CD99L2: variants seen among roughly 807,000 people sequenced by gnomAD.
The protein encoded by CD99L2 is CD99 antigen-like protein 2.
In CD99L2, 24 loss-of-function variants were observed where a neutral mutation model predicts 27.3. The ratio of observed to expected loss-of-function variants is 0.88; its 90% CI spans 0.64 to 1.24. The LOEUF is 1.24. Ranked by LOEUF, CD99L2 falls within the 50% of genes most tolerant of loss-of-function variation. The pLI is 0.00. For synonymous variants in CD99L2, 97 were observed against 87.9 expected (o/e 1.10, Z -0.58); for missense variants, 255 against 221.6 (o/e 1.15, Z -0.96).
chrX:150,876,339 G>A (rs1272485256), intron 1 of CD99L2, among the ~76,000 whole-genome samples: 1 of 111,919 alleles, frequency 8.9e-6, no homozygotes. Context: ...TAGGTGATTT[G>A]CTCCTTCTGC....
chrX:150,884,964 T>C (rs66655005), intron 1 of CD99L2, among the ~76,000 whole-genome samples: 32,347 of 111,383 alleles, frequency 0.29, 3,621 homozygotes, highest in African/African-American at 0.41. Context: ...TGAACTACAG[T>C]GACACACAAC....
At chrX:150,840,098 G>A (rs1557421326) in intron 1 of CD99L2, among the ~76,000 whole-genome samples, 1 of 109,847 alleles carries the variant, frequency 9.1e-6, no homozygotes, top group African/African-American at 3.3e-5. Context: ...CTACTCTGGA[G>A]GCTGAGGCTG....
At chrX:150,817,529 T>C (rs1004169026) in intron 2 of CD99L2, among the ~76,000 whole-genome samples, 2 of 112,236 alleles carry the variant, frequency 1.8e-5, no homozygotes, top group Non-Finnish European at 3.8e-5. Context: ...TTTCCAATAG[T>C]TTCTTTTCAT....
chrX:150,867,660 G>A (rs1256877553), intron 1 of CD99L2, among the ~76,000 whole-genome samples: 1 of 110,183 alleles, frequency 9.1e-6, no homozygotes, highest in Admixed American at 9.7e-5. Context: ...TTGGGAGGCC[G>A]AGACGGGGGG....
chrX:150,793,055 C>T (rs143492086), intron 7 of CD99L2, among the ~76,000 whole-genome samples: 1,571 of 111,602 alleles, frequency 0.014, 14 homozygotes, highest in Middle Eastern at 0.018. Context: ...TACCCATACT[C>T]GCTCACACAC....
chrX:150,779,025 A>C (rs1035369577), intron 7 of CD99L2, among the ~76,000 whole-genome samples: 4 of 110,850 alleles, frequency 3.6e-5, no homozygotes, highest in African/African-American at 1.3e-4. Flanking sequence ...CTAGACTTCC[A>C]TTTTTCTGGA....
chrX:150,831,139 T>G, intron 2 of CD99L2, 92 bp downstream of exon 2: 1 of 743,388 alleles, frequency 1.3e-6, no homozygotes, highest in Non-Finnish European at 2.0e-6. Flanking sequence ...TCAAGTAAAA[T>G]ATATCATTTT....
At chrX:150,781,418 G>T (rs1220332232) in intron 7 of CD99L2, among the ~76,000 whole-genome samples, 1 of 111,842 alleles carries the variant, frequency 8.9e-6, no homozygotes, top group Non-Finnish European at 1.9e-5. Flanking sequence ...TTTTAACTCT[G>T]CAAGCCCCAT....
In CD99L2 at chrX:150,813,824, T is replaced by C. The variant is rs190699235; in HGVS notation, c.277+1038A>G. ...AGAGTAATTAATCAATATTTAAAGA[T>C]TTTTTAAAACCAACTATGGTTTTGC... On this transcript the variant is annotated intron_variant, in intron 4 of 10. Coordinates refer to ENST00000370377, the MANE Select transcript of CD99L2 (RefSeq NM_031462.4). 2.8e-3 allele frequency among the ~76,000 whole-genome samples: 319 copies of C among 112,355 alleles called. 2 individuals carry two copies. Among genetic ancestry groups the C allele is most frequent in the African/African-American group, 9.9e-3 (306 of 30,964 alleles).
chrX:150,851,328 G>A (rs1557421592), intron 1 of CD99L2, among the ~76,000 whole-genome samples: 1 of 112,007 alleles, frequency 8.9e-6, no homozygotes, highest in Non-Finnish European at 1.9e-5. Flanking sequence ...TGAGGACCTA[G>A]CAAGGAGCAG....
chrX:150,778,685 A>AAAAAT (rs1226462410), intron 7 of CD99L2, among the ~76,000 whole-genome samples: 1 of 81,536 alleles, frequency 1.2e-5, no homozygotes, highest in African/African-American at 4.9e-5. Flanking sequence ...AAAAAAAAAA[A>AAAAAT]ATATATATAT....
Position 150,824,411 on chromosome X carries a change from A to C in CD99L2, c.130+6820T>G, listed in dbSNP as rs1488018751. Among the ~76,000 whole-genome samples the C allele has an allele frequency of 3.9e-5, 4 of 102,641 alleles. No homozygotes were observed. The East Asian group carries it at 1.2e-3, about 31-fold the overall frequency. 89.1% of individuals were successfully genotyped at this position (102,641 alleles called of 115,157 possible). A position where few individuals can be genotyped will look rare whatever the true frequency, so the allele number is the denominator to read the frequency against. On this transcript the variant is annotated intron_variant, in intron 2 of 10. Coordinates refer to ENST00000370377, the MANE Select transcript of CD99L2 (RefSeq NM_031462.4). ...AGAAGAAGAAGAAGAAAGAAGAAGAAAAGAAGAAGAAAAGAGAAGAAGAAG... is the reference window on the plus strand; with the variant it reads ...AGAAGAAGAAGAAGAAAGAAGAAGACAAGAAGAAGAAAAGAGAAGAAGAAG...
intron 3 of CD99L2, 78 bp from the exon 4 acceptor site, chrX:150,815,014 G>C: frequency 9.7e-7 from 1 of 1,033,841 alleles, no homozygotes; most frequent in Non-Finnish European, 1.4e-6. Flanking sequence ...TAAGCAAAAT[G>C]CCCATGGGTT....
intron 2 of CD99L2, chrX:150,816,506 G>A (rs2046157765): frequency 7.0e-6 from 1 of 142,526 alleles, no homozygotes; most frequent in Non-Finnish European, 1.4e-5. Flanking sequence ...TACATTCCTA[G>A]TGGAATATGG....
intron 1 of CD99L2, among the ~76,000 whole-genome samples, chrX:150,862,864 GAAAGAAAGAAAGAA>G (rs1379749121): frequency 2.7e-4 from 25 of 93,767 alleles, no homozygotes; most frequent in Non-Finnish European, 2.5e-4. Context: ...GACAGAGAGA[GAAAGAAAGAAAGAA>G]AAAGAAAGAA....
intron 1 of CD99L2, among the ~76,000 whole-genome samples, chrX:150,839,752 G>T (rs1266448381): frequency 9.2e-6 from 1 of 108,584 alleles, no homozygotes; most frequent in Non-Finnish European, 1.9e-5. Context: ...TGGGGTTGGG[G>T]GACCAGGTAT....
chrX:150,799,857 C>A (rs904108059), intron 4 of CD99L2, among the ~76,000 whole-genome samples: 2 of 111,680 alleles, frequency 1.8e-5, no homozygotes, highest in Admixed American at 1.9e-4. Flanking sequence ...ACCATATGAT[C>A]CAGCAATTCC....
intron 1 of CD99L2, among the ~76,000 whole-genome samples, chrX:150,832,180 A>C (rs929136021): frequency 8.8e-6 from 1 of 113,092 alleles, no homozygotes; most frequent in East Asian, 2.7e-4. Context: ...AAATTTAAGA[A>C]GACTGAAATC....
Position 150,898,558 on chromosome X carries a change from A to C in CD99L2, c.31T>G (p.Cys11Gly). ...AGGGTGGCCAAGGAGAAAGCGAGGC[A>C]GACAAGGAACGCCGAGCGCCAGGCC... MVAWRSAFLV[C>G]LAFSLATLVQ... Residue 11 changes from cysteine (C) to glycine (G), a missense_variant, in exon 1 of 11, where the codon TGC becomes GGC. Cys to Gly is a radical substitution (Grantham distance 159). Coordinates refer to ENST00000370377, the MANE Select transcript of CD99L2 (RefSeq NM_031462.4). The C allele has an allele frequency of 3.6e-6, 4 of 1,119,115 alleles. No homozygotes were observed. Among genetic ancestry groups the C allele is most frequent in the Non-Finnish European group, 4.7e-6 (4 of 851,408 alleles). The allele number at this position is 1,119,115 out of a possible 1,213,427, so 92.2% of individuals were successfully genotyped here. A position where few individuals can be genotyped will look rare whatever the true frequency, so the allele number is the denominator to read the frequency against.
Sources: gnomAD v4.1 joint callset for allele counts (sites outside exome capture counted in the v4.1 genomes callset) on GRCh38, gnomAD v4.1.1 for gene constraint, MANE v1.5 for transcripts, NCBI Gene and HGNC (gene_info 2026-07-23, HGNC 2026-07-21) for gene names.